The following ATF7IP variants were observed in gnomAD, a reference collection of about 807,000 sequenced individuals.
The protein encoded by ATF7IP is activating transcription factor 7 interacting protein, also known as activating transcription factor 7-interacting protein 1.
ATF7IP carries 23 observed loss-of-function variants against 106.4 expected under a neutral mutation model. That is an observed-to-expected ratio of 0.22 (90% confidence interval 0.16 to 0.31). The LOEUF (loss-of-function observed/expected upper bound fraction) is 0.31, where lower values mean the gene tolerates loss of function less well. Ranked by LOEUF, ATF7IP falls within the 10% of genes least tolerant of loss-of-function variation. The pLI, the probability that ATF7IP is intolerant of heterozygous loss-of-function variation, is 1.00. For missense variants in ATF7IP, 1,334 were observed against 1,524.3 expected, an observed-to-expected ratio of 0.88 and a Z score of 2.08; for synonymous variants, 542 against 539.0, an observed-to-expected ratio of 1.01 and a Z score of -0.08.
intron 1 of ATF7IP, among the ~76,000 whole-genome samples, chr12:14,367,823 T>G (rs1300532690): frequency 1.3e-5 from 2 of 152,118 alleles, no homozygotes; most frequent in Non-Finnish European, 2.9e-5. Context: ...ATTAATTGCC[T>G]GAACACCAAC....
In ATF7IP at chr12:14,369,538, G is replaced by A. The variant is rs117802168; in HGVS notation, c.-8+3711G>A. On this transcript the variant is annotated intron_variant, in intron 1 of 14. Coordinates refer to ENST00000261168, the MANE Select transcript of ATF7IP (RefSeq NM_018179.5). ...CTTTTAGTAGAGACGGGGTTTCCCC[G>A]TGTTGGCCAGGCTCGTCTTGAACTC... Among the ~76,000 whole-genome samples, 72 of 152,056 alleles carry A rather than the reference G, an allele frequency of 4.7e-4. 1 individual carries two copies. The East Asian group carries it at 0.013, about 28-fold the overall frequency.
At chr12:14,459,496 C>A (rs1016150771) in intron 8 of ATF7IP, among the ~76,000 whole-genome samples, 6 of 152,138 alleles carry the variant, frequency 3.9e-5, no homozygotes, top group African/African-American at 1.4e-4. Context: ...GATGTTTGGT[C>A]CCATTATACT....
chr12:14,416,934 C>T, intron 1 of ATF7IP: 1 of 985,208 alleles, frequency 1.0e-6, no homozygotes, highest in Non-Finnish European at 1.2e-6. Flanking sequence ...ATGGCTGCAG[C>T]AAGCTCCCTC....
At chr12:14,439,840 A>AATCCATCC (rs34509750) in intron 5 of ATF7IP, among the ~76,000 whole-genome samples, 5,841 of 148,558 alleles carry the variant, frequency 0.039, 123 homozygotes, top group Non-Finnish European at 0.052. Flanking sequence ...CTCCAAAATA[A>AATCCATCC]ATCCATCCAT....
At chr12:14,461,803 A>C (rs1400886018) in intron 9 of ATF7IP, among the ~76,000 whole-genome samples, 7 of 152,152 alleles carry the variant, frequency 4.6e-5, no homozygotes, top group Admixed American at 4.6e-4. Context: ...GAACTTGCTT[A>C]TTCTTCATTT....
Position 14,464,433 on chromosome 12 carries a change from C to T in ATF7IP, c.2798-2093C>T, listed in dbSNP as rs139442974. On this transcript the variant is annotated intron_variant, in intron 9 of 14. Transcript: ENST00000261168. ...AGTGTTTGCCTTTTTTCTGTTCATA[C>T]AATTATCCAGAGCTACTAAGAGATA... Among the ~76,000 whole-genome samples the T allele has an allele frequency of 4.2e-4, 64 of 152,356 alleles. 1 individual carries two copies. The East Asian group carries it at 0.012, about 28-fold the overall frequency.
intron 14 of ATF7IP, 34 bp downstream of exon 14, chr12:14,496,377 A>T (rs1344645514): frequency 2.2e-6 from 3 of 1,379,666 alleles, no homozygotes; most frequent in Middle Eastern, 1.8e-4. Flanking sequence ...CAAAATTCTC[A>T]ACTGTAGAGG....
chr12:14,483,625 T>C (rs1944497326), intron 13 of ATF7IP, among the ~76,000 whole-genome samples: 1 of 152,122 alleles, frequency 6.6e-6, no homozygotes, highest in Admixed American at 6.5e-5. Context: ...GTGGTGCTAC[T>C]TCCACTTCCA....
rs1943618878 is a variant in ATF7IP at position 14,460,994 on chromosome 12, G to A, written c.2658G>A (p.Arg886=). The A allele has an allele frequency of 2.5e-6, 4 of 1,614,110 alleles. No homozygotes were observed. Among genetic ancestry groups the A allele is most frequent in the Non-Finnish European group, 3.4e-6 (4 of 1,180,028 alleles). ...PTAHSIVQAT[R]TSLPTVGPSG... is the part of the protein sequence containing the mutation. ...CACACTCTATTGTACAAGCCACAAG[G>A]ACTTCTTTACCCACAGTGGGCCCAT... is the stretch of plus-strand genomic sequence containing the variant. Residue 886 remains arginine (R), a synonymous_variant, in exon 9 of 15, where the codon AGG becomes AGA. Transcript: ENST00000261168.
At chr12:14,374,304 G>A (rs1938645975) in intron 1 of ATF7IP, among the ~76,000 whole-genome samples, 1 of 144,118 alleles carries the variant, frequency 6.9e-6, no homozygotes, top group African/African-American at 2.5e-5. Context: ...GTGGAGATGG[G>A]GGTCTTGCCT....
rs1370622995 is a variant in ATF7IP at position 14,457,259 on chromosome 12, A to T, written c.2122A>T (p.Ser708Cys). ...GGAGTCCAAAAGAAATGTAAGCGAG[A>T]GTGCACCACCATCCTTTCAAACTCC... ...MLESKRNVSE[S>C]APPSFQTPVN... Residue 708 changes from serine to cysteine, a missense_variant, in exon 8 of 15, where the codon AGT (serine) becomes TGT (cysteine). Coordinates refer to ENST00000261168, the MANE Select transcript of ATF7IP (RefSeq NM_018179.5). The T allele has an allele frequency of 6.2e-7, 1 of 1,613,474 alleles. No homozygotes were observed. The highest frequency in any genetic ancestry group is 2.2e-5 in the East Asian group (1 of 44,856).
chr12:14,479,320 A>G (rs181229234), intron 12 of ATF7IP, among the ~76,000 whole-genome samples: 45 of 152,294 alleles, frequency 3.0e-4, no homozygotes, highest in Admixed American at 1.7e-3. Context: ...TACCACCAGG[A>G]ATCATATGCT....
At chr12:14,486,640 CTG>C (rs1194439223) in intron 13 of ATF7IP, among the ~76,000 whole-genome samples, 1 of 152,166 alleles carries the variant, frequency 6.6e-6, no homozygotes, top group African/African-American at 2.4e-5. Context: ...TCTAGGAACA[CTG>C]TGATTAATTA....
chr12:14,427,295 A>T (rs899947549), intron 2 of ATF7IP, among the ~76,000 whole-genome samples: 2 of 151,108 alleles, frequency 1.3e-5, no homozygotes, highest in Non-Finnish European at 2.9e-5. Flanking sequence ...GCAAAATTTT[A>T]ATTTTTTTGT....
rs1420777835 is a variant in ATF7IP, at chr12:14,501,355, G to A, written c.*3282G>A. ...CTGCAACCTGCAATGTAGGATGTTTGTATGGCATTTAAAGGTAATGGTGAT... is the reference window on the plus strand; with the variant it reads ...CTGCAACCTGCAATGTAGGATGTTTATATGGCATTTAAAGGTAATGGTGAT... On this transcript the variant is annotated 3_prime_UTR_variant, in exon 15 of 15. Coordinates refer to ENST00000261168, the MANE Select transcript of ATF7IP (RefSeq NM_018179.5). The A allele has an allele frequency of 6.6e-6, 1 of 152,154 alleles. No individual in the cohort carries two copies. Among genetic ancestry groups the A allele is most frequent in the Non-Finnish European group, 1.5e-5 (1 of 68,020 alleles). 9.4% of individuals were successfully genotyped at this position (152,154 alleles called of 1,614,324 possible). A position where few individuals can be genotyped will look rare whatever the true frequency, so the allele number is the denominator to read the frequency against.
In ATF7IP at chr12:14,460,474, G is replaced by T. The variant is rs755512781; in HGVS notation, c.2159-21G>T. ...AATTAATATAACCATTTAAACTGAG[G>T]CTTCTGTTTTCTTTCTATAGTATCT... is the stretch of plus-strand genomic sequence containing the variant. On this transcript the variant is annotated intron_variant, in intron 8 of 14. Coordinates refer to ENST00000261168, the MANE Select transcript of ATF7IP (RefSeq NM_018179.5). 2.5e-6 allele frequency: 4 copies of T among 1,584,898 alleles called. No homozygotes were observed. In the South Asian group the frequency reaches 4.6e-5, roughly 18 times the overall value.
chr12:14,466,183 A>G (rs1308298796), intron 9 of ATF7IP: 2 of 172,782 alleles, frequency 1.2e-5, no homozygotes, highest in Non-Finnish European at 2.4e-5. Flanking sequence ...TTTTTTCTCC[A>G]AAAGAACATA....
At chr12:14,455,838 C>G (rs1943404187) in intron 6 of ATF7IP, among the ~76,000 whole-genome samples, 1 of 152,116 alleles carries the variant, frequency 6.6e-6, no homozygotes, top group South Asian at 2.1e-4. Flanking sequence ...CCTTGCCTGT[C>G]TCAGCCTCCC....
chr12:14,459,674 C>G (rs986133200), intron 8 of ATF7IP, among the ~76,000 whole-genome samples: 15 of 152,222 alleles, frequency 9.9e-5, no homozygotes, highest in African/African-American at 3.4e-4. Flanking sequence ...AGGCACCCCG[C>G]TGGACCACAC....
Sources: allele counts gnomAD v4.1 joint callset (sites outside exome capture counted in the v4.1 genomes callset), GRCh38; gene constraint gnomAD v4.1.1; transcripts MANE v1.5; gene names NCBI Gene and HGNC (gene_info 2026-07-23, HGNC 2026-07-21).